The following PABPC4L variants were observed in gnomAD, a reference collection of about 807,000 sequenced individuals.
PABPC4L encodes the protein poly(A) binding protein cytoplasmic 4 like.
For missense variants in PABPC4L, 452 were observed against 451.4 expected (o/e 1.00, Z -0.01); for synonymous variants, 169 against 164.1 (o/e 1.03, Z -0.23).
chr4:134,175,312 G>T, the PABPC4L span, among the ~76,000 whole-genome samples: 1 of 152,046 alleles, frequency 6.6e-6, no homozygotes, highest in African/African-American at 2.4e-5. Context: ...TGAATTACAT[G>T]TGTGCTATGT....
At chr4:134,169,674 T>G in the PABPC4L span, among the ~76,000 whole-genome samples, 2 of 151,654 alleles carry the variant, frequency 1.3e-5, no homozygotes. Flanking sequence ...GAAAAAAAAA[T>G]TCCATTTATA....
At chr4:134,122,961 T>C in the PABPC4L span, among the ~76,000 whole-genome samples, 1 of 152,042 alleles carries the variant, frequency 6.6e-6, no homozygotes, top group African/African-American at 2.4e-5. Flanking sequence ...CTTTTGCAAT[T>C]AGGAATACAG....
chr4:134,112,022 A>C, the PABPC4L span, among the ~76,000 whole-genome samples: 1 of 152,010 alleles, frequency 6.6e-6, no homozygotes, highest in Non-Finnish European at 1.5e-5. Context: ...ATATCAAACT[A>C]TACAAGAAGT....
the PABPC4L span, among the ~76,000 whole-genome samples, chr4:133,976,159 A>T: frequency 6.6e-6 from 1 of 152,010 alleles, no homozygotes; most frequent in African/African-American, 2.4e-5. Flanking sequence ...CCCTGGGTCC[A>T]TATGTTCTCA....
At chr4:134,129,728 G>A in the PABPC4L span, among the ~76,000 whole-genome samples, 1,361 of 151,992 alleles carry the variant, frequency 9.0e-3, 12 homozygotes, top group African/African-American at 0.032. Flanking sequence ...CTGGGATACA[G>A]CAAAAGTGGT....
chr4:134,175,473 G>A, the PABPC4L span, among the ~76,000 whole-genome samples: 1 of 151,574 alleles, frequency 6.6e-6, no homozygotes, highest in African/African-American at 2.4e-5. Context: ...ATTTGAGACA[G>A]GGTCTCGCTC....
the PABPC4L span, among the ~76,000 whole-genome samples, chr4:134,135,531 G>T: frequency 1.3e-5 from 2 of 151,936 alleles, no homozygotes; most frequent in Admixed American, 1.3e-4. Context: ...AAAAAATTTG[G>T]ATGTTCTTAA....
At chr4:134,098,000 T>C in the PABPC4L span, among the ~76,000 whole-genome samples, 3 of 151,804 alleles carry the variant, frequency 2.0e-5, no homozygotes. Flanking sequence ...CATTTAATTA[T>C]ATTAAATGAG....
chr4:134,174,938 C>T, the PABPC4L span, among the ~76,000 whole-genome samples: 1 of 152,004 alleles, frequency 6.6e-6, no homozygotes, highest in African/African-American at 2.4e-5. Flanking sequence ...TTTCATGTTT[C>T]CTACGTCTGT....
chr4:134,178,969 A>G, the PABPC4L span, among the ~76,000 whole-genome samples: 1 of 152,132 alleles, frequency 6.6e-6, no homozygotes, highest in Non-Finnish European at 1.5e-5. Flanking sequence ...CTTAAAACAC[A>G]TATTTCAGGA....
At chr4:134,159,303 A>T in the PABPC4L span, among the ~76,000 whole-genome samples, 11 of 152,264 alleles carry the variant, frequency 7.2e-5, no homozygotes, top group African/African-American at 2.2e-4. Context: ...ACCCAATTAA[A>T]CAACTATCCA....
chr4:133,980,292 C>T, the PABPC4L span, among the ~76,000 whole-genome samples: 5 of 152,176 alleles, frequency 3.3e-5, no homozygotes, highest in Non-Finnish European at 7.4e-5. Flanking sequence ...ATATTCATTT[C>T]GTTTTTATTT....
the PABPC4L span, among the ~76,000 whole-genome samples, chr4:133,998,541 C>T: frequency 6.6e-6 from 1 of 151,910 alleles, no homozygotes; most frequent in Non-Finnish European, 1.5e-5. Flanking sequence ...CTTTCAAAAT[C>T]ATCTTGAATA....
At chr4:134,078,369 C>T in the PABPC4L span, among the ~76,000 whole-genome samples, 4 of 152,110 alleles carry the variant, frequency 2.6e-5, no homozygotes, top group East Asian at 7.7e-4. Context: ...TGTCACACAC[C>T]GTGTACTTAA....
the PABPC4L span, among the ~76,000 whole-genome samples, chr4:134,160,856 T>TA: frequency 1.3e-5 from 2 of 151,086 alleles, no homozygotes; most frequent in Non-Finnish European, 3.0e-5. Context: ...AAGAAAAAAG[T>TA]AAAATCAAAA....
At chr4:134,015,571 A>C in the PABPC4L span, among the ~76,000 whole-genome samples, 1 of 152,098 alleles carries the variant, frequency 6.6e-6, no homozygotes, top group Non-Finnish European at 1.5e-5. Flanking sequence ...GTTAAGCCCA[A>C]ATTTCATCCT....
chr4:134,186,913 A>T, the PABPC4L span, among the ~76,000 whole-genome samples: 88 of 152,312 alleles, frequency 5.8e-4, 1 homozygote, highest in South Asian at 0.018. Context: ...AAAAGAAGAC[A>T]TTTATGCAGC....
chr4:134,162,750 G>A, the PABPC4L span, among the ~76,000 whole-genome samples: 2 of 152,032 alleles, frequency 1.3e-5, no homozygotes, highest in Non-Finnish European at 2.9e-5. Context: ...AATCAAATCT[G>A]CTCTTGAATG....
At chr4:134,155,131 A>G in the PABPC4L span, among the ~76,000 whole-genome samples, 1 of 152,112 alleles carries the variant, frequency 6.6e-6, no homozygotes, top group Non-Finnish European at 1.5e-5. Flanking sequence ...GAACCACTCT[A>G]GATTACATTT....
Sources: allele counts gnomAD v4.1 joint callset (sites outside exome capture counted in the v4.1 genomes callset), GRCh38; gene constraint gnomAD v4.1.1; transcripts MANE v1.5; gene names NCBI Gene and HGNC (gene_info 2026-07-23, HGNC 2026-07-21).